The following TBL1X variants were observed in gnomAD, a reference collection of about 807,000 sequenced individuals.
TBL1X encodes transducin beta like 1 X-linked.
TBL1X carries 10 observed loss-of-function variants against 50.7 expected under a neutral mutation model. The ratio of observed to expected loss-of-function variants is 0.20; its 90% CI spans 0.12 to 0.33. The LOEUF is 0.33. Ranked by LOEUF, TBL1X falls within the 10% of genes least tolerant of loss-of-function variation. The probability of loss-of-function intolerance (pLI) is 1.00; values close to 1 mark genes in which losing one functional copy is unlikely to be tolerated. For missense variants in TBL1X, 340 were observed against 504.4 expected (o/e 0.67, Z 3.12); for synonymous variants, 190 against 214.7 (o/e 0.88, Z 1.01).
intron 5 of TBL1X, among the ~76,000 whole-genome samples, chrX:9,674,543 T>TGTGA (rs1019289771): frequency 5.4e-5 from 6 of 110,624 alleles, no homozygotes; most frequent in African/African-American, 2.0e-4. Context: ...GGATTACAAG[T>TGTGA]GTGAGTCACT....
At chrX:9,581,217 C>G (rs1271287240) in intron 2 of TBL1X, among the ~76,000 whole-genome samples, 2 of 112,449 alleles carry the variant, frequency 1.8e-5, no homozygotes, top group South Asian at 7.4e-4. Flanking sequence ...GATGCTGTCA[C>G]TGTTCATAAA....
intron 12 of TBL1X, among the ~76,000 whole-genome samples, chrX:9,700,506 C>G (rs1219565866): frequency 2.7e-5 from 3 of 112,018 alleles, no homozygotes; most frequent in African/African-American, 9.7e-5. Flanking sequence ...TCTGGCTGGC[C>G]ATGAGGTAGA....
chrX:9,632,936 G>A (rs964577293), intron 2 of TBL1X, among the ~76,000 whole-genome samples: 1 of 112,044 alleles, frequency 8.9e-6, no homozygotes, highest in African/African-American at 3.2e-5. Context: ...GTACAGTAAT[G>A]ATCCATGAAC....
At chrX:9,582,737 G>T (rs1489352324) in intron 2 of TBL1X, among the ~76,000 whole-genome samples, 1 of 112,488 alleles carries the variant, frequency 8.9e-6, no homozygotes, top group African/African-American at 3.2e-5. Flanking sequence ...GATTGGGACA[G>T]ATGCCACATA....
At chrX:9,683,079 G>A (rs990528885) in intron 5 of TBL1X, among the ~76,000 whole-genome samples, 8 of 111,604 alleles carry the variant, frequency 7.2e-5, no homozygotes, top group Admixed American at 1.9e-4. Flanking sequence ...CCTGCCAGGC[G>A]GGGTTGCCTG....
chrX:9,479,305 G>A (rs772474131), intron 1 of TBL1X, among the ~76,000 whole-genome samples: 1 of 112,107 alleles, frequency 8.9e-6, no homozygotes, highest in African/African-American at 3.2e-5. Flanking sequence ...AATTAGCCGG[G>A]TGTGGTAGCA....
intron 3 of TBL1X, among the ~76,000 whole-genome samples, chrX:9,652,183 G>A (rs972328528): frequency 1.8e-5 from 2 of 112,230 alleles, no homozygotes; most frequent in African/African-American, 6.5e-5. Flanking sequence ...TGCCTGGACA[G>A]ATCATGCAAT....
At chrX:9,494,262 AT>A (rs1190681877) in intron 1 of TBL1X, among the ~76,000 whole-genome samples, 2 of 111,593 alleles carry the variant, frequency 1.8e-5, no homozygotes, top group Non-Finnish European at 3.8e-5. Flanking sequence ...CCAGAAGAGA[AT>A]TTGCCAGAAC....
At chrX:9,676,589 C>T (rs1450811500) in intron 5 of TBL1X, among the ~76,000 whole-genome samples, 2 of 112,032 alleles carry the variant, frequency 1.8e-5, no homozygotes, top group Admixed American at 9.4e-5. Flanking sequence ...TTCTTTTGGA[C>T]GCCGTCCGAG....
chrX:9,503,708 G>T (rs1335950132), intron 2 of TBL1X, among the ~76,000 whole-genome samples: 2 of 112,916 alleles, frequency 1.8e-5, no homozygotes, highest in Admixed American at 9.3e-5. Flanking sequence ...TCCTTTCTTA[G>T]TTGGGGTGTG....
At chrX:9,565,271 C>CAAAAAAAAAAAAAAA (rs757679440) in intron 2 of TBL1X, among the ~76,000 whole-genome samples, 1 of 37,394 alleles carries the variant, frequency 2.7e-5, no homozygotes, top group African/African-American at 1.1e-4. Context: ...GACTCCGTCT[C>CAAAAAAAAAAAAAAA]AAAAAAAAAA....
At chrX:9,513,041 A>C (rs919187871) in intron 2 of TBL1X, among the ~76,000 whole-genome samples, 1 of 110,637 alleles carries the variant, frequency 9.0e-6, no homozygotes, top group African/African-American at 3.3e-5. Flanking sequence ...CCGAGAACCA[A>C]GCCTTGGGAC....
intron 2 of TBL1X, among the ~76,000 whole-genome samples, chrX:9,551,694 A>G (rs1037849736): frequency 6.3e-5 from 7 of 111,166 alleles, no homozygotes; most frequent in African/African-American, 2.0e-4. Context: ...TTGTATTCCA[A>G]GGTATTTGTG....
chrX:9,658,309 T>C (rs1482084271), intron 5 of TBL1X, among the ~76,000 whole-genome samples: 2 of 111,385 alleles, frequency 1.8e-5, no homozygotes, highest in East Asian at 5.7e-4. Context: ...TCACTTGTGC[T>C]ATCTGGGCAG....
chrX:9,492,351 G>A (rs1406611464), intron 1 of TBL1X, among the ~76,000 whole-genome samples: 5 of 111,032 alleles, frequency 4.5e-5, no homozygotes, highest in Non-Finnish European at 7.5e-5. Flanking sequence ...TTCACGCGTA[G>A]TAAAAGGGAA....
chrX:9,511,912 G>A (rs1287688167), intron 2 of TBL1X, among the ~76,000 whole-genome samples: 2 of 111,532 alleles, frequency 1.8e-5, no homozygotes, highest in Admixed American at 9.5e-5. Flanking sequence ...CTGGGTTGGC[G>A]TGCGGTGGCG....
intron 6 of TBL1X, among the ~76,000 whole-genome samples, chrX:9,686,135 T>C (rs2083057993): frequency 8.9e-6 from 1 of 111,782 alleles, no homozygotes; most frequent in South Asian, 3.8e-4. Context: ...CTTCACACTG[T>C]GTGCCCGGGA....
At chrX:9,580,213 A>G (rs768762254) in intron 2 of TBL1X, among the ~76,000 whole-genome samples, 4 of 111,844 alleles carry the variant, frequency 3.6e-5, no homozygotes, top group Non-Finnish European at 7.5e-5. Context: ...TAGGAAGTTT[A>G]TTTTGCCAAA....
chrX:9,467,634 T>C (rs58827068), intron 1 of TBL1X, among the ~76,000 whole-genome samples: 32,581 of 109,644 alleles, frequency 0.3, 3,978 homozygotes, highest in South Asian at 0.37. Flanking sequence ...TTTTTTTAGT[T>C]GGAAAGATAA....
Sources: gnomAD v4.1 joint callset for allele counts (sites outside exome capture counted in the v4.1 genomes callset) on GRCh38, gnomAD v4.1.1 for gene constraint, MANE v1.5 for transcripts, NCBI Gene and HGNC (gene_info 2026-07-23, HGNC 2026-07-21) for gene names.